The following MCF2L variants were observed in gnomAD, a reference collection of about 807,000 sequenced individuals.
The protein encoded by MCF2L is guanine nucleotide exchange factor DBS.
A neutral mutation model predicts 153.4 loss-of-function variants in MCF2L; 97 were observed. The ratio of observed to expected loss-of-function variants is 0.63; its 90% CI spans 0.54 to 0.75. The LOEUF is 0.75. Ranked by LOEUF, MCF2L falls within the 30% of genes least tolerant of loss-of-function variation. The pLI, the probability that MCF2L is intolerant of heterozygous loss-of-function variation, is 0.00. For synonymous variants in MCF2L, 659 were observed against 632.2 expected, an observed-to-expected ratio of 1.04 and a Z score of -0.64; for missense variants, 1,347 against 1,495.2, an observed-to-expected ratio of 0.90 and a Z score of 1.64.
chr13:113,046,562 C>A lies in MCF2L; in HGVS notation c.369+1201C>A. On this transcript the variant is annotated intron_variant, in intron 4 of 29. Coordinates refer to ENST00000535094, the MANE Select transcript of MCF2L (RefSeq NM_001112732.3). The surrounding 1 kb of genome is among the most constrained non-coding windows in gnomAD (Gnocchi z 4.4). ...GTATACTGAAAAAAGTCATTCCTTT[C>A]CCCGCACATTGCCTCATTCCTTCAT... The A allele has an allele frequency of 1.9e-6, 1 of 533,406 alleles. No homozygotes were observed. Among genetic ancestry groups the A allele is most frequent in the Non-Finnish European group, 3.8e-6 (1 of 259,938 alleles). 33.0% of individuals were successfully genotyped at this position (533,406 alleles called of 1,614,324 possible).
At chr13:112,996,604 T>C (rs1385713297) in intron 1 of MCF2L, among the ~76,000 whole-genome samples, 2 of 152,194 alleles carry the variant, frequency 1.3e-5, no homozygotes, top group African/African-American at 4.8e-5. Context: ...CCATCTTTTC[T>C]CCACGGCATC....
intron 2 of MCF2L, chr13:112,917,052 C>T (rs918195321): frequency 4.2e-6 from 2 of 470,904 alleles, no homozygotes; most frequent in African/African-American, 4.0e-5. Context: ...GGATTCCTGT[C>T]AACTCAAAGG....
chr13:113,096,173 C>T (rs1449971705), intron 27 of MCF2L, 198 bp from the exon 28 acceptor site: 4 of 599,024 alleles, frequency 6.7e-6, no homozygotes, highest in Non-Finnish European at 5.9e-6. Context: ...GATTCACAGA[C>T]GCCTTCCATC....
intron 1 of MCF2L, among the ~76,000 whole-genome samples, chr13:112,974,326 C>A (rs945919646): frequency 2.0e-5 from 3 of 152,084 alleles, no homozygotes; most frequent in African/African-American, 7.2e-5. Flanking sequence ...TCTGCAAGGG[C>A]CCCCGGCGTG....
At chr13:112,952,351 G>T (rs145686859) in intron 2 of MCF2L, among the ~76,000 whole-genome samples, 1 of 152,234 alleles carries the variant, frequency 6.6e-6, no homozygotes, top group Admixed American at 6.5e-5. Context: ...GGTGTGGGTG[G>T]CCCAGGGATG....
Position 113,064,501 on chromosome 13 carries a change from C to T in MCF2L, c.606+81C>T, listed in dbSNP as rs566908391. ...GAATCGCTCTTGCATTACAACACGG[C>T]CCTTTCCAAAAACACATTCACATTA... On this transcript the variant is annotated intron_variant, in intron 6 of 29. Coordinates refer to ENST00000535094, the MANE Select transcript of MCF2L (RefSeq NM_001112732.3). The surrounding 1 kb of genome is among the most constrained non-coding windows in gnomAD (Gnocchi z 6.0). 3 of 876,360 alleles carry T rather than the reference C, an allele frequency of 3.4e-6. No individual in the cohort carries two copies. Among genetic ancestry groups the T allele is most frequent in the East Asian group, 2.5e-5 (1 of 40,064 alleles). 54.3% of individuals were successfully genotyped at this position (876,360 alleles called of 1,614,324 possible). A position where few individuals can be genotyped will look rare whatever the true frequency, so the allele number is the denominator to read the frequency against.
At chr13:113,082,265 T>C (rs1440661696) in intron 16 of MCF2L, among the ~76,000 whole-genome samples, 162 bp from the exon 17 acceptor site, 2 of 152,246 alleles carry the variant, frequency 1.3e-5, no homozygotes, top group South Asian at 2.1e-4. Context: ...CTGTTCATAA[T>C]GCTTTTGCTT....
intron 27 of MCF2L, chr13:113,095,547 C>T (rs967451439): frequency 3.9e-6 from 4 of 1,025,134 alleles, no homozygotes; most frequent in Non-Finnish European, 4.7e-6. Context: ...ACCACAGAGG[C>T]AGGAGCCAGT....
chr13:113,003,683 C>G (rs985361073), intron 1 of MCF2L, among the ~76,000 whole-genome samples: 4 of 152,194 alleles, frequency 2.6e-5, no homozygotes, highest in African/African-American at 9.7e-5. Flanking sequence ...AGACCCGGGA[C>G]CTGCTCCAGG....
chr13:112,998,476 T>C (rs2083229190), intron 1 of MCF2L, among the ~76,000 whole-genome samples: 1 of 152,076 alleles, frequency 6.6e-6, no homozygotes, highest in South Asian at 2.1e-4. Flanking sequence ...CTGGAGTGAT[T>C]GGTTACATTA....
At position 113,089,600 on chromosome 13, in the gene MCF2L, A is replaced by T. The variant is rs576443161; in HGVS notation, c.2835-10A>T. On this transcript the variant is annotated splice_polypyrimidine_tract_variant and intron_variant, in intron 25 of 29. Transcript: ENST00000535094. ...CACTATTTCCTTTTTGATTTGTCTG[A>T]TGTCATCAGTCCCTCAAGAGGAAAC... 31 of 1,569,108 alleles carry T rather than the reference A, an allele frequency of 2.0e-5. No individual in the cohort carries two copies. Among genetic ancestry groups the T allele is most frequent in the Non-Finnish European group, 2.6e-5 (30 of 1,139,726 alleles).
intron 26 of MCF2L, 124 bp downstream of exon 26, chr13:113,089,852 G>A: frequency 6.2e-7 from 1 of 1,612,618 alleles, no homozygotes; most frequent in South Asian, 1.1e-5. Context: ...AGCATTCAGG[G>A]CCCCTTGCTC....
At chr13:112,967,012 G>A (rs919150863), upstream of MCF2L, among the ~76,000 whole-genome samples, 11 of 152,194 alleles carry the variant, frequency 7.2e-5, no homozygotes, top group East Asian at 1.9e-4. Context: ...CCAGGAGAGC[G>A]GCCGGGAGAA....
intron 2 of MCF2L, among the ~76,000 whole-genome samples, chr13:112,954,681 C>A (rs2081736180): frequency 6.6e-6 from 1 of 152,214 alleles, no homozygotes; most frequent in Non-Finnish European, 1.5e-5. Flanking sequence ...GTGGCTCTAA[C>A]CTGCCCCATG....
chr13:113,060,569 C>T (rs374033806), intron 4 of MCF2L, 24 bp from the exon 5 acceptor site: 2 of 1,610,778 alleles, frequency 1.2e-6, no homozygotes, highest in African/African-American at 1.3e-5. Flanking sequence ...GCTGCAGGCC[C>T]TTGTCTCTCG....
At chr13:112,998,789 A>G (rs748005112) in intron 1 of MCF2L, among the ~76,000 whole-genome samples, 12 of 152,072 alleles carry the variant, frequency 7.9e-5, no homozygotes, top group Non-Finnish European at 1.2e-4. Context: ...GCTTTTATGA[A>G]TCGGAAACTG....
rs147233573 is a variant in MCF2L at position 112,962,553 on chromosome 13, T to C, written c.170-52210T>C. Among the ~76,000 whole-genome samples the C allele has an allele frequency of 5.1e-3, 776 of 152,274 alleles. 8 individuals are homozygous for C. Among genetic ancestry groups the C allele is most frequent in the African/African-American group, 0.018 (744 of 41,546 alleles). ...GCCTGGTCCCTGGCCAGTGCAGCCT[T>C]CACACCTGACAGCATGGACAGACCC... On this transcript the variant is annotated intron_variant, in intron 2 of 29. Coordinates refer to the MCF2L transcript ENST00000375608.
rs116384279 is a variant in MCF2L at position 113,054,492 on chromosome 13, C to T, written c.370-6101C>T. On this transcript the variant is annotated intron_variant, in intron 4 of 29. Transcript: ENST00000535094. This position sits in a 1 kb window ranked among gnomAD's most constrained non-coding sequence, Gnocchi z 5.2. ...CCAGCGTCTCTGATTCCGGCTCTAA[C>T]GTCTTCTTCATCTGTTAACACAGAG... The T allele has an allele frequency of 0.02, 3,263 of 164,822 alleles. 47 individuals are homozygous for T. Among genetic ancestry groups the T allele is most frequent in the Middle Eastern group, 0.064 (19 of 296 alleles). The allele number at this position is 164,822 out of a possible 1,614,324, so 10.2% of individuals were successfully genotyped here. A position where few individuals can be genotyped will look rare whatever the true frequency, so the allele number is the denominator to read the frequency against.
chr13:113,085,731 C>T (rs1462292764), intron 20 of MCF2L, among the ~76,000 whole-genome samples: 1 of 107,958 alleles, frequency 9.3e-6, no homozygotes, highest in Non-Finnish European at 2.0e-5. Context: ...AGGGAGCTCC[C>T]CGGGGAGCAG....
Sources: allele counts gnomAD v4.1 joint callset (sites outside exome capture counted in the v4.1 genomes callset), GRCh38; gene constraint gnomAD v4.1.1; non-coding constraint Gnocchi (gnomAD v3.1); transcripts MANE v1.5; gene names NCBI Gene and HGNC (gene_info 2026-07-23, HGNC 2026-07-21).